GLRA3: variants seen among roughly 807,000 people sequenced by gnomAD.
GLRA3 encodes the protein glycine receptor subunit alpha-3.
GLRA3 carries 44 observed loss-of-function variants against 60.4 expected under a neutral mutation model. That is an observed-to-expected ratio of 0.73 (90% confidence interval 0.57 to 0.94). The LOEUF is 0.94. Among genes scored for constraint, GLRA3 ranks in the 40% least tolerant of loss-of-function variants. The pLI, the probability that GLRA3 is intolerant of heterozygous loss-of-function variation, is 0.00. For synonymous variants in GLRA3, 223 were observed against 192.9 expected (o/e 1.16, Z -1.29); for missense variants, 508 against 564.6 (o/e 0.90, Z 1.02).
At chr4:174,743,440 T>C (rs1236751685) in intron 3 of GLRA3, among the ~76,000 whole-genome samples, 3 of 152,166 alleles carry the variant, frequency 2.0e-5, no homozygotes, top group Non-Finnish European at 2.9e-5. Flanking sequence ...TTAACACTTT[T>C]TGAGATATAC....
intron 7 of GLRA3, among the ~76,000 whole-genome samples, chr4:174,676,714 A>G (rs1170101138): frequency 6.6e-6 from 1 of 152,174 alleles, no homozygotes; most frequent in Non-Finnish European, 1.5e-5. Flanking sequence ...TGGCATATCC[A>G]TACAATGGAG....
In GLRA3 at chr4:174,656,777, A is replaced by G; in HGVS notation, c.1082T>C (p.Phe361Ser). Residue 361 changes from phenylalanine to serine, a missense_variant, in exon 9 of 10, where the codon TTT becomes TCT. Transcript: ENST00000274093. ...RRKRKNKTEA[F>S]ALEKFYRFSD... is the part of the protein sequence containing the mutation. The stretch of plus-strand genomic sequence containing the variant: ...GAAACGGTAAAACTTCTCCAGTGCA[A>G]AAGCTTCTGTCTGTGGGAAGGTAAA... The G allele has an allele frequency of 6.3e-7, 1 of 1,585,228 alleles. No individual in the cohort carries two copies. Among genetic ancestry groups the G allele is most frequent in the South Asian group, 1.1e-5 (1 of 90,412 alleles).
At chr4:174,805,186 A>G (rs1201773585) in intron 1 of GLRA3, among the ~76,000 whole-genome samples, 4 of 152,064 alleles carry the variant, frequency 2.6e-5, no homozygotes, top group East Asian at 1.9e-4. Context: ...TACCCTCTCT[A>G]TTTGCCTAAA....
chr4:174,722,408 C>T (rs1181696404), intron 4 of GLRA3, among the ~76,000 whole-genome samples: 2 of 152,190 alleles, frequency 1.3e-5, no homozygotes, highest in Non-Finnish European at 2.9e-5. Flanking sequence ...CTGGCCTCTA[C>T]TTTCTGAAGT....
chr4:174,712,751 T>C (rs1013316832), intron 5 of GLRA3: 6 of 152,146 alleles, frequency 3.9e-5, no homozygotes, highest in African/African-American at 1.4e-4. Flanking sequence ...TACTTTCCAG[T>C]GGGTTCCACC....
intron 6 of GLRA3, among the ~76,000 whole-genome samples, chr4:174,680,026 G>A (rs1431147879): frequency 6.6e-6 from 1 of 152,106 alleles, no homozygotes; most frequent in Non-Finnish European, 1.5e-5. Flanking sequence ...ACAAAGAATT[G>A]ATAAATCTAT....
intron 3 of GLRA3, among the ~76,000 whole-genome samples, chr4:174,757,011 A>G (rs1043289519): frequency 2.0e-5 from 3 of 152,236 alleles, no homozygotes; most frequent in Non-Finnish European, 4.4e-5. Context: ...AAAAAGACAA[A>G]GGTAGCCATT....
intron 2 of GLRA3, among the ~76,000 whole-genome samples, chr4:174,787,939 CT>C (rs1739183495): frequency 6.6e-6 from 1 of 152,034 alleles, no homozygotes; most frequent in Admixed American, 6.6e-5. Flanking sequence ...ATTTCACCCA[CT>C]GCTAAGCATT....
intron 9 of GLRA3, among the ~76,000 whole-genome samples, chr4:174,645,828 A>G (rs1213544325): frequency 2.0e-5 from 3 of 152,186 alleles, no homozygotes; most frequent in Admixed American, 6.5e-5. Context: ...GAAATTTTTA[A>G]GGCAAATTTA....
chr4:174,661,457 A>G (rs751214598), intron 7 of GLRA3, among the ~76,000 whole-genome samples: 9 of 152,206 alleles, frequency 5.9e-5, no homozygotes, highest in Non-Finnish European at 1.3e-4. Flanking sequence ...GCACCTTAAT[A>G]TAATGGTAGA....
At chr4:174,742,787 A>T (rs1318189734) in intron 3 of GLRA3, among the ~76,000 whole-genome samples, 1 of 152,194 alleles carries the variant, frequency 6.6e-6, no homozygotes, top group Non-Finnish European at 1.5e-5. Flanking sequence ...CTATGAATAC[A>T]TCATTCTTTT....
chr4:174,648,395 T>C (rs918468715), intron 9 of GLRA3, among the ~76,000 whole-genome samples: 1 of 152,048 alleles, frequency 6.6e-6, no homozygotes, highest in Non-Finnish European at 1.5e-5. Context: ...ACCCAGGACG[T>C]AGAGGTTGCA....
At chr4:174,821,384 G>T (rs992024373) in intron 1 of GLRA3, among the ~76,000 whole-genome samples, 1 of 152,002 alleles carries the variant, frequency 6.6e-6, no homozygotes, top group Admixed American at 6.5e-5. Flanking sequence ...CTTTTTTATG[G>T]TTTTATTTCT....
intron 6 of GLRA3, among the ~76,000 whole-genome samples, chr4:174,681,789 T>A (rs532233956): frequency 6.6e-6 from 1 of 152,328 alleles, no homozygotes; most frequent in African/African-American, 2.4e-5. Context: ...TCTAGGGGAT[T>A]TTTAGCATCT....
intron 2 of GLRA3, among the ~76,000 whole-genome samples, chr4:174,777,193 G>A (rs553527523): frequency 1.3e-5 from 2 of 152,170 alleles, no homozygotes; most frequent in Non-Finnish European, 2.9e-5. Flanking sequence ...TAAAGGAGCA[G>A]AAATCAAAAT....
chr4:174,813,362 C>A (rs1740346148), intron 1 of GLRA3, among the ~76,000 whole-genome samples: 1 of 152,116 alleles, frequency 6.6e-6, no homozygotes, highest in African/African-American at 2.4e-5. Context: ...TTAGTGCAGC[C>A]TTAATAAATA....
At chr4:174,685,786 T>C (rs1044947700) in intron 5 of GLRA3, among the ~76,000 whole-genome samples, 1 of 152,096 alleles carries the variant, frequency 6.6e-6, no homozygotes, top group African/African-American at 2.4e-5. Flanking sequence ...AGGCACCAAT[T>C]CTACCTTCTG....
chr4:174,778,133 C>T lies in GLRA3; in HGVS notation c.199+10683G>A, dbSNP rs144774119. On this transcript the variant is annotated intron_variant, in intron 2 of 9. Transcript: ENST00000274093. ...ACCTGGCCCTCCAACTCTGTAACATCGTTAGGCAGTGCCTCCCAGTGAGCG... is the reference window on the plus strand; with the variant it reads ...ACCTGGCCCTCCAACTCTGTAACATTGTTAGGCAGTGCCTCCCAGTGAGCG... 2.7e-3 allele frequency among the ~76,000 whole-genome samples: 404 copies of T among 152,070 alleles called. 2 individuals are homozygous for T. Among genetic ancestry groups the T allele is most frequent in the African/African-American group, 9.5e-3 (394 of 41,486 alleles).
chr4:174,650,446 G>A (rs1180116423), intron 9 of GLRA3, among the ~76,000 whole-genome samples: 1 of 152,140 alleles, frequency 6.6e-6, no homozygotes, highest in African/African-American at 2.4e-5. Context: ...CTCAATAGTG[G>A]CACTCTAAGG....
Sources: allele counts gnomAD v4.1 joint callset (sites outside exome capture counted in the v4.1 genomes callset), GRCh38; gene constraint gnomAD v4.1.1; transcripts MANE v1.5; gene names NCBI Gene and HGNC (gene_info 2026-07-23, HGNC 2026-07-21).